DCLK1: variants seen among roughly 807,000 people sequenced by gnomAD.
The protein encoded by DCLK1 is serine/threonine-protein kinase DCLK1.
A neutral mutation model predicts 86.2 loss-of-function variants in DCLK1; 16 were observed. The observed-to-expected ratio is 0.19, with a 90% CI of 0.13 to 0.28. DCLK1 has a LOEUF of 0.28. Ranked by LOEUF, DCLK1 falls within the 10% of genes least tolerant of loss-of-function variation. The pLI is 1.00. For synonymous variants in DCLK1, 369 were observed against 370.5 expected (o/e 1.00, Z 0.05); for missense variants, 590 against 940.2 (o/e 0.63, Z 4.87).
intron 6 of DCLK1, among the ~76,000 whole-genome samples, chr13:35,853,720 G>A (rs1166511520): frequency 6.6e-6 from 1 of 152,182 alleles, no homozygotes; most frequent in Non-Finnish European, 1.5e-5. Context: ...CCTCCTAGGA[G>A]CGTACATTCC....
At chr13:35,994,401 C>T (rs1880384102) in intron 3 of DCLK1, among the ~76,000 whole-genome samples, 1 of 152,126 alleles carries the variant, frequency 6.6e-6, no homozygotes, top group Admixed American at 6.5e-5. Flanking sequence ...TTACAGCCCA[C>T]AAGAAAAACC....
chr13:36,027,376 C>T (rs896891468), intron 3 of DCLK1, among the ~76,000 whole-genome samples: 1 of 152,234 alleles, frequency 6.6e-6, no homozygotes, highest in Non-Finnish European at 1.5e-5. Context: ...CTTCCTTGCC[C>T]ACTGCTCACC....
In DCLK1 at chr13:35,853,332, G is replaced by A. The variant is rs138134701; in HGVS notation, c.1035+1167C>T. 4.2e-3 allele frequency among the ~76,000 whole-genome samples: 646 copies of A among 152,244 alleles called. 6 individuals are homozygous for A. The highest frequency in any genetic ancestry group is 0.012 in the African/African-American group (509 of 41,530). On this transcript the variant is annotated intron_variant, in intron 6 of 16. Transcript: ENST00000360631. Reference sequence around the variant, plus strand: ...ATAATAGGCTTATCTAAGATACCACGGCCATTTAGTGGACAAGCTGGCGTC... The same window carrying A: ...ATAATAGGCTTATCTAAGATACCACAGCCATTTAGTGGACAAGCTGGCGTC...
rs555138674 is a variant in DCLK1 at position 36,078,526 on chromosome 13, C to T, written c.723+33343G>A. Among the ~76,000 whole-genome samples the T allele has an allele frequency of 9.2e-5, 14 of 152,230 alleles. No homozygotes were observed. The East Asian group carries it at 2.7e-3, about 29-fold the overall frequency. On this transcript the variant is annotated intron_variant, in intron 3 of 16. Transcript: ENST00000360631. ...TCTTTCATTTCAGCTACCAGAAAGCCATAATATTGTAATGCATTATTATTT... is the reference window on the plus strand; with the variant it reads ...TCTTTCATTTCAGCTACCAGAAAGCTATAATATTGTAATGCATTATTATTT...
chr13:35,827,605 A>G (rs529421663), intron 10 of DCLK1, 30 bp downstream of exon 10: 4 of 1,612,996 alleles, frequency 2.5e-6, no homozygotes, highest in South Asian at 1.1e-5. Context: ...TGCCATCAAT[A>G]AAGACTTACT....
At chr13:35,917,045 A>G (rs1195204199) in intron 4 of DCLK1, among the ~76,000 whole-genome samples, 1 of 152,200 alleles carries the variant, frequency 6.6e-6, no homozygotes, top group Non-Finnish European at 1.5e-5. Flanking sequence ...GAATCTGAAC[A>G]AACAGGCCTT....
chr13:36,040,890 C>T (rs564042761), intron 3 of DCLK1, among the ~76,000 whole-genome samples: 1 of 152,066 alleles, frequency 6.6e-6, no homozygotes, highest in African/African-American at 2.4e-5. Context: ...CATTTTAAAT[C>T]GGTTCCTGTG....
chr13:35,941,658 A>G (rs537849854), intron 4 of DCLK1, among the ~76,000 whole-genome samples: 1 of 152,272 alleles, frequency 6.6e-6, no homozygotes, highest in East Asian at 1.9e-4. Flanking sequence ...TGCAGTTTTG[A>G]GCTTTAATGA....
At chr13:35,967,129 T>A (rs1878801209) in intron 3 of DCLK1, among the ~76,000 whole-genome samples, 2 of 141,466 alleles carry the variant, frequency 1.4e-5, no homozygotes. Context: ...CCATCTGAGA[T>A]GTGAAGAGCG....
rs115168471 is a variant in DCLK1, at chr13:36,099,809, T to A, written c.723+12060A>T. On this transcript the variant is annotated intron_variant, in intron 3 of 16. Coordinates refer to ENST00000360631, the MANE Select transcript of DCLK1 (RefSeq NM_001330071.2). ...TGTAACAGGTCTTTGTTTTTTATGG[T>A]CACTGTCAATAATTGGCACTCTGTA... Among the ~76,000 whole-genome samples, 1,402 of 152,278 alleles carry A rather than the reference T, an allele frequency of 9.2e-3. 16 individuals are homozygous for A. Among genetic ancestry groups the A allele is most frequent in the African/African-American group, 0.032 (1,330 of 41,556 alleles).
intron 3 of DCLK1, among the ~76,000 whole-genome samples, chr13:36,081,410 CAA>C (rs1489415417): frequency 2.0e-5 from 3 of 151,868 alleles, no homozygotes; most frequent in Admixed American, 2.0e-4. Context: ...AAAAAAAATT[CAA>C]AGTCACATAT....
intron 3 of DCLK1, among the ~76,000 whole-genome samples, chr13:36,033,710 G>A (rs1882377314): frequency 6.6e-6 from 1 of 152,160 alleles, no homozygotes; most frequent in African/African-American, 2.4e-5. Flanking sequence ...CGGATTACCT[G>A]AGGCCAGGAG....
intron 3 of DCLK1, among the ~76,000 whole-genome samples, chr13:35,991,358 C>T (rs1023305266): frequency 6.6e-6 from 1 of 152,082 alleles, no homozygotes; most frequent in African/African-American, 2.4e-5. Flanking sequence ...CTTATGAAGA[C>T]TCCTGTGTCA....
intron 2 of DCLK1, among the ~76,000 whole-genome samples, chr13:36,114,174 G>A (rs1885702599): frequency 6.6e-6 from 1 of 152,202 alleles, no homozygotes; most frequent in African/African-American, 2.4e-5. Flanking sequence ...GCAACATGGA[G>A]TGAGTTTGTT....
chr13:36,014,567 A>G (rs972723580), intron 3 of DCLK1, among the ~76,000 whole-genome samples: 1 of 152,340 alleles, frequency 6.6e-6, no homozygotes, highest in East Asian at 1.9e-4. Flanking sequence ...CTGTTTCCAG[A>G]AAAGTTTCTC....
chr13:36,048,483 C>T (rs1244970439), intron 3 of DCLK1, among the ~76,000 whole-genome samples: 1 of 152,076 alleles, frequency 6.6e-6, no homozygotes, highest in South Asian at 2.1e-4. Context: ...TCTCAAAATA[C>T]ACCGCTATTA....
At chr13:35,814,977 T>C (rs982813428) in intron 11 of DCLK1, among the ~76,000 whole-genome samples, 1 of 152,174 alleles carries the variant, frequency 6.6e-6, no homozygotes, top group Non-Finnish European at 1.5e-5. Context: ...CATCCTATGA[T>C]TTGACAGACT....
chr13:35,814,166 G>C (rs2087215323), intron 11 of DCLK1, among the ~76,000 whole-genome samples: 1 of 152,152 alleles, frequency 6.6e-6, no homozygotes, highest in Admixed American at 6.5e-5. Context: ...TACTGAGCCA[G>C]TTACACAGGG....
intron 6 of DCLK1, chr13:35,850,416 T>C (rs1296742273): frequency 2.8e-6 from 3 of 1,055,350 alleles, no homozygotes; most frequent in Non-Finnish European, 3.4e-6. Context: ...AGTGTGTTCT[T>C]GTACTCAATA....
Sources: gnomAD v4.1 joint callset for allele counts (sites outside exome capture counted in the v4.1 genomes callset) on GRCh38, gnomAD v4.1.1 for gene constraint, MANE v1.5 for transcripts, NCBI Gene and HGNC (gene_info 2026-07-23, HGNC 2026-07-21) for gene names.